RPS6KC1: variants seen among roughly 807,000 people sequenced by gnomAD.
RPS6KC1 encodes the protein inactive ribosomal protein S6 kinase delta-1.
In RPS6KC1, 54 loss-of-function variants were observed where a neutral mutation model predicts 103.8. That is an observed-to-expected ratio of 0.52 (90% CI 0.42 to 0.65). The LOEUF (loss-of-function observed/expected upper bound fraction) is 0.65, where lower values mean the gene tolerates loss of function less well. Ranked by LOEUF, RPS6KC1 falls within the 30% of genes least tolerant of loss-of-function variation. The pLI, the probability that RPS6KC1 is intolerant of heterozygous loss-of-function variation, is 0.00. For synonymous variants in RPS6KC1, 439 were observed against 438.7 expected (o/e 1.00, Z -0.01); for missense variants, 1,151 against 1,253.8 (o/e 0.92, Z 1.24).
At chr1:213,484,927 A>G in the RPS6KC1 span, among the ~76,000 whole-genome samples, 1 of 152,250 alleles carries the variant, frequency 6.6e-6, no homozygotes, top group East Asian at 1.9e-4. Flanking sequence ...CAGTGGCCCA[A>G]TCTTGGCTCA....
chr1:213,143,196 ATTTC>A (rs1258265055), intron 6 of RPS6KC1, among the ~76,000 whole-genome samples: 7 of 151,938 alleles, frequency 4.6e-5, no homozygotes, highest in African/African-American at 1.7e-4. Flanking sequence ...TGTTTTGTAT[ATTTC>A]TTCTTTCGTG....
the RPS6KC1 span, among the ~76,000 whole-genome samples, chr1:213,614,027 G>T: frequency 6.6e-6 from 1 of 152,200 alleles, no homozygotes; most frequent in Non-Finnish European, 1.5e-5. Context: ...GACCAGTGAG[G>T]TTCTGTTTGA....
the RPS6KC1 span, among the ~76,000 whole-genome samples, chr1:213,313,198 T>C: frequency 6.6e-6 from 1 of 152,192 alleles, no homozygotes; most frequent in Non-Finnish European, 1.5e-5. Flanking sequence ...CCAAAACTCA[T>C]GCAAGAGCCT....
At chr1:213,119,477 T>G (rs2084122037) in intron 5 of RPS6KC1, among the ~76,000 whole-genome samples, 1 of 30,288 alleles carries the variant, frequency 3.3e-5, no homozygotes, top group Non-Finnish European at 8.3e-5. Context: ...TATATATATA[T>G]ATATATATAT....
chr1:213,673,954 A>G, the RPS6KC1 span, among the ~76,000 whole-genome samples: 1 of 152,032 alleles, frequency 6.6e-6, no homozygotes, highest in Non-Finnish European at 1.5e-5. Flanking sequence ...GGAGCATAGT[A>G]CCCAGTAGTT....
intron 6 of RPS6KC1, among the ~76,000 whole-genome samples, chr1:213,139,104 A>G (rs941232137): frequency 1.3e-5 from 2 of 151,202 alleles, no homozygotes; most frequent in Admixed American, 1.4e-4. Flanking sequence ...TCTACTGATT[A>G]GTTATATTGA....
At chr1:213,492,597 T>G in the RPS6KC1 span, 1 of 152,356 alleles carries the variant, frequency 6.6e-6, no homozygotes, top group Admixed American at 6.5e-5. Flanking sequence ...CTCTCACCTT[T>G]CGTGACTTAC....
the RPS6KC1 span, among the ~76,000 whole-genome samples, chr1:213,491,126 G>T: frequency 7.0e-3 from 1,060 of 152,240 alleles, 38 homozygotes; most frequent in Admixed American, 0.064. Flanking sequence ...TTGTTAAAAC[G>T]CTACTCTTAT....
chr1:213,090,835 C>T (rs759533857), intron 3 of RPS6KC1, among the ~76,000 whole-genome samples: 11 of 152,052 alleles, frequency 7.2e-5, no homozygotes, highest in Non-Finnish European at 1.3e-4. Context: ...TACATGTTAA[C>T]ATAAAAGGAT....
the RPS6KC1 span, among the ~76,000 whole-genome samples, chr1:213,405,896 G>A: frequency 6.6e-6 from 1 of 152,184 alleles, no homozygotes; most frequent in Non-Finnish European, 1.5e-5. Flanking sequence ...GGAAGAAATG[G>A]GCAGTGTGGG....
the RPS6KC1 span, among the ~76,000 whole-genome samples, chr1:213,578,902 T>C: frequency 1.3e-5 from 2 of 152,082 alleles, no homozygotes; most frequent in East Asian, 1.9e-4. Flanking sequence ...GAAGGCATGA[T>C]TGGTTTTGAT....
At chr1:213,075,224 C>A (rs2079221431) in intron 2 of RPS6KC1, among the ~76,000 whole-genome samples, 1 of 152,092 alleles carries the variant, frequency 6.6e-6, no homozygotes, top group Admixed American at 6.6e-5. Flanking sequence ...ATGTCCAGGT[C>A]ATAATGACCT....
chr1:213,212,926 T>A (rs184413100), intron 8 of RPS6KC1, among the ~76,000 whole-genome samples: 2 of 152,352 alleles, frequency 1.3e-5, no homozygotes, highest in Non-Finnish European at 2.9e-5. Flanking sequence ...ATCAGGTTTT[T>A]AAAATTATTA....
the RPS6KC1 span, among the ~76,000 whole-genome samples, chr1:213,402,527 TGAG>T: frequency 6.6e-6 from 1 of 152,114 alleles, no homozygotes; most frequent in African/African-American, 2.4e-5. Context: ...CTGGGAATAA[TGAG>T]GAGAACTGAG....
At chr1:213,392,633 T>TC in the RPS6KC1 span, among the ~76,000 whole-genome samples, 1 of 152,238 alleles carries the variant, frequency 6.6e-6, no homozygotes, top group Non-Finnish European at 1.5e-5. Context: ...CATCTTTGTA[T>TC]TTATTTCAAT....
At chr1:213,332,119 A>G in the RPS6KC1 span, among the ~76,000 whole-genome samples, 21 of 152,158 alleles carry the variant, frequency 1.4e-4, no homozygotes, top group Non-Finnish European at 2.6e-4. Flanking sequence ...GACCATCCCA[A>G]TGTTTCAGAT....
At chr1:213,549,697 C>A in the RPS6KC1 span, among the ~76,000 whole-genome samples, 3 of 135,206 alleles carry the variant, frequency 2.2e-5, no homozygotes, top group Non-Finnish European at 3.0e-5. Context: ...TGTCCATCTT[C>A]TTTGTTGGTT....
At chr1:213,516,731 G>C in the RPS6KC1 span, among the ~76,000 whole-genome samples, 1 of 152,308 alleles carries the variant, frequency 6.6e-6, no homozygotes, top group Admixed American at 6.5e-5. Flanking sequence ...TCAGGATGAT[G>C]ATGGCCTCAT....
the RPS6KC1 span, among the ~76,000 whole-genome samples, chr1:213,482,702 C>A: frequency 8.5e-3 from 1,284 of 151,750 alleles, 15 homozygotes; most frequent in African/African-American, 0.029. Context: ...GCATGCACCA[C>A]CACGCCCAGC....
Sources: allele counts gnomAD v4.1 joint callset (sites outside exome capture counted in the v4.1 genomes callset), GRCh38; gene constraint gnomAD v4.1.1; transcripts MANE v1.5; gene names NCBI Gene and HGNC (gene_info 2026-07-23, HGNC 2026-07-21).